SP140L: variants seen among roughly 807,000 people sequenced by gnomAD.
SP140L encodes the protein nuclear body protein SP140-like protein.
SP140L carries 64 observed loss-of-function variants against 84.3 expected under a neutral mutation model. That is an observed-to-expected ratio of 0.76 (90% CI 0.62 to 0.94). The LOEUF is 0.94. Ranked by LOEUF, SP140L falls within the 40% of genes least tolerant of loss-of-function variation. The pLI is 0.00. For synonymous variants in SP140L, 242 were observed against 236.9 expected (o/e 1.02, Z -0.20); for missense variants, 628 against 692.5 (o/e 0.91, Z 1.05).
intron 2 of SP140L, among the ~76,000 whole-genome samples, chr2:230,344,998 G>T (rs577232440): frequency 6.6e-6 from 1 of 152,256 alleles, no homozygotes; most frequent in African/African-American, 2.4e-5. Context: ...GAAATGTTCT[G>T]TATATGTCTT....
intron 2 of SP140L, among the ~76,000 whole-genome samples, chr2:230,347,091 T>A (rs1200225552): frequency 6.6e-6 from 1 of 152,184 alleles, no homozygotes; most frequent in African/African-American, 2.4e-5. Flanking sequence ...GTAGCATCCA[T>A]GAATAGTCAC....
chr2:230,401,919 G>A, intron 18 of SP140L, 112 bp downstream of exon 18: 2 of 1,031,248 alleles, frequency 1.9e-6, no homozygotes, highest in East Asian at 2.4e-5. Flanking sequence ...ACGAGCAAGG[G>A]TTCTGGAAGT....
At chr2:230,381,948 G>A (rs1397815149) in intron 7 of SP140L, among the ~76,000 whole-genome samples, 2 of 152,184 alleles carry the variant, frequency 1.3e-5, no homozygotes, top group Non-Finnish European at 2.9e-5. Context: ...TCCCTGAGTG[G>A]GATGTACATT....
At chr2:230,395,019 T>C (rs2061988051) in intron 13 of SP140L, among the ~76,000 whole-genome samples, 1 of 151,858 alleles carries the variant, frequency 6.6e-6, no homozygotes. Context: ...AGTTTCACTC[T>C]TGTCATTCAG....
intron 4 of SP140L, among the ~76,000 whole-genome samples, chr2:230,359,479 A>G (rs2060648066): frequency 1.3e-5 from 2 of 152,180 alleles, no homozygotes. Flanking sequence ...AGTCCACTAA[A>G]TTGACTACTA....
At chr2:230,380,440 C>T (rs527974418) in intron 7 of SP140L, among the ~76,000 whole-genome samples, 4 of 152,290 alleles carry the variant, frequency 2.6e-5, no homozygotes, top group African/African-American at 7.2e-5. Context: ...GGGTTGCAGA[C>T]ATCAGTACCC....
At chr2:230,353,357 G>A (rs2060424439) in intron 2 of SP140L, among the ~76,000 whole-genome samples, 2 of 151,818 alleles carry the variant, frequency 1.3e-5, no homozygotes, top group South Asian at 4.2e-4. Flanking sequence ...TTGATAATGT[G>A]TTCTCTGTTT....
chr2:230,337,810 C>A (rs150265615), intron 2 of SP140L, among the ~76,000 whole-genome samples: 2 of 151,762 alleles, frequency 1.3e-5, no homozygotes, highest in Non-Finnish European at 2.9e-5. Flanking sequence ...GTTGTAGATA[C>A]GCAGCGTTAT....
At chr2:230,344,093 A>G (rs958792034) in intron 2 of SP140L, among the ~76,000 whole-genome samples, 1 of 152,046 alleles carries the variant, frequency 6.6e-6, no homozygotes, top group Admixed American at 6.6e-5. Flanking sequence ...TTCTGACTCG[A>G]TGATGTGTCT....
intron 2 of SP140L, among the ~76,000 whole-genome samples, chr2:230,349,866 A>G (rs1359794387): frequency 6.6e-6 from 1 of 152,108 alleles, no homozygotes; most frequent in Non-Finnish European, 1.5e-5. Context: ...AAAATTAGCC[A>G]GGAGTGGTAG....
chr2:230,342,503 A>T (rs1220920470), intron 2 of SP140L, among the ~76,000 whole-genome samples: 1 of 152,142 alleles, frequency 6.6e-6, no homozygotes, highest in Non-Finnish European at 1.5e-5. Flanking sequence ...CTATTCGGCC[A>T]TCTTGGCTCC....
intron 2 of SP140L, among the ~76,000 whole-genome samples, chr2:230,334,888 G>A (rs909378401): frequency 6.6e-6 from 1 of 151,986 alleles, no homozygotes; most frequent in Non-Finnish European, 1.5e-5. Context: ...ATTATTTTTA[G>A]TTCTCATGCT....
In SP140L at chr2:230,328,852, G is replaced by T. The variant is rs763929017; in HGVS notation, c.107+21G>T. 4 of 1,602,316 alleles carry T rather than the reference G, an allele frequency of 2.5e-6. No homozygotes were observed. The East Asian group carries it at 9.0e-5, about 36-fold the overall frequency. On this transcript the variant is annotated intron_variant, in intron 2 of 18. Coordinates refer to ENST00000415673, the MANE Select transcript of SP140L (RefSeq NM_138402.6). ...CAAAGGTGATGAAGAATTACAATTT[G>T]TTTTAATTTGTATTTTCCTGATAAT...
intron 15 of SP140L, 70 bp downstream of exon 15, chr2:230,400,312 C>T (rs2062263079): frequency 2.7e-6 from 4 of 1,468,958 alleles, no homozygotes; most frequent in South Asian, 2.4e-5. Context: ...CACTCTCCAG[C>T]AGAATGTCTG....
At chr2:230,376,381 A>G (rs536337368) in intron 7 of SP140L, among the ~76,000 whole-genome samples, 11 of 152,340 alleles carry the variant, frequency 7.2e-5, no homozygotes, top group Middle Eastern at 3.4e-3. Context: ...GTTGGAACTA[A>G]TAAATGAATT....
intron 14 of SP140L, among the ~76,000 whole-genome samples, chr2:230,397,832 C>T (rs936714775): frequency 6.6e-6 from 1 of 152,144 alleles, no homozygotes; most frequent in East Asian, 1.9e-4. Flanking sequence ...ATGGTTAAAA[C>T]AGCCCTGGAG....
chr2:230,329,048 T>G (rs1367205990), intron 2 of SP140L, among the ~76,000 whole-genome samples: 1 of 152,224 alleles, frequency 6.6e-6, no homozygotes, highest in Non-Finnish European at 1.5e-5. Context: ...TTCTTGTCCC[T>G]TACATTTGTA....
intron 2 of SP140L, among the ~76,000 whole-genome samples, chr2:230,333,726 G>A (rs1361146500): frequency 1.3e-5 from 2 of 150,098 alleles, no homozygotes; most frequent in African/African-American, 4.9e-5. Context: ...TGGATATTGG[G>A]TTTCCTAGGT....
At chr2:230,371,037 C>A in intron 6 of SP140L, 70 bp downstream of exon 6, 2 of 1,337,406 alleles carry the variant, frequency 1.5e-6, no homozygotes, top group Non-Finnish European at 2.1e-6. Flanking sequence ...AGAGTGGAGG[C>A]AGGTGCTCCA....
Sources: gnomAD v4.1 joint callset for allele counts (sites outside exome capture counted in the v4.1 genomes callset) on GRCh38, gnomAD v4.1.1 for gene constraint, MANE v1.5 for transcripts, NCBI Gene and HGNC (gene_info 2026-07-23, HGNC 2026-07-21) for gene names.